The following SMAD9 variants were observed in gnomAD, a reference collection of about 807,000 sequenced individuals.
SMAD9 encodes the protein SMAD family member 9, also known as MAD homolog 9.
Under a neutral mutation model 46.1 loss-of-function variants are expected in SMAD9, and 36 were observed. That is an observed-to-expected ratio of 0.78 (90% CI 0.60 to 1.03). The LOEUF (loss-of-function observed/expected upper bound fraction) is 1.03. Among genes scored for constraint, SMAD9 ranks in the 50% least tolerant of loss-of-function variants. The pLI is 0.00. For missense variants in SMAD9, 572 were observed against 599.8 expected, an observed-to-expected ratio of 0.95 and a Z score of 0.48; for synonymous variants, 245 against 237.1, an observed-to-expected ratio of 1.03 and a Z score of -0.31.
Position 36,879,761 on chromosome 13 carries a change from C to T in SMAD9, c.-72G>A, listed in dbSNP as rs2058386779. On this transcript the variant is annotated 5_prime_UTR_variant, in exon 2 of 7. Coordinates refer to ENST00000379826, the MANE Select transcript of SMAD9 (RefSeq NM_001127217.3). Reference sequence around the variant, plus strand: ...TCACGGCAAAGTGGGCGGCGAGTAGCTCTCCAGGGGTGGCATAGGGACCAA... The same window carrying T: ...TCACGGCAAAGTGGGCGGCGAGTAGTTCTCCAGGGGTGGCATAGGGACCAA... 6.4e-7 allele frequency: 1 copy of T among 1,573,462 alleles called. No individual in the cohort carries two copies. The highest frequency in any genetic ancestry group is 8.7e-7 in the Non-Finnish European group (1 of 1,151,002).
intron 2 of SMAD9, among the ~76,000 whole-genome samples, chr13:36,876,880 T>C (rs2058350074): frequency 6.6e-6 from 1 of 152,166 alleles, no homozygotes; most frequent in Non-Finnish European, 1.5e-5. Context: ...TAACTAGATA[T>C]AAAATCTACT....
chr13:36,880,821 AC>A (rs1273181269), intron 1 of SMAD9, among the ~76,000 whole-genome samples: 3 of 152,206 alleles, frequency 2.0e-5, no homozygotes, highest in Non-Finnish European at 4.4e-5. Flanking sequence ...TTTTTTGAAA[AC>A]AATGTTTTAA....
chr13:36,869,984 G>A (rs1283126676), intron 3 of SMAD9, among the ~76,000 whole-genome samples: 1 of 152,208 alleles, frequency 6.6e-6, no homozygotes, highest in Non-Finnish European at 1.5e-5. Context: ...AAAAAATTTA[G>A]AGGCTGAACC....
rs140021744 is a variant in SMAD9 at position 36,846,343 on chromosome 13, T to C, written c.*2333A>G. 3,374 of 151,374 alleles carry C rather than the reference T, an allele frequency of 0.022. 74 individuals carry two copies. The highest frequency in any genetic ancestry group is 0.034 in the Middle Eastern group (10 of 294). The allele number at this position is 151,374 out of a possible 1,614,324, so 9.4% of individuals were successfully genotyped here. A position where few individuals can be genotyped will look rare whatever the true frequency, so the allele number is the denominator to read the frequency against. On this transcript the variant is annotated 3_prime_UTR_variant, in exon 7 of 7. Coordinates refer to ENST00000379826, the MANE Select transcript of SMAD9 (RefSeq NM_001127217.3). Reference sequence around the variant, plus strand: ...TAAAAATATAAAAATTAGCTGGGCGTGGTAGCCTGTAGTCCCAACTACTTG... The same window carrying C: ...TAAAAATATAAAAATTAGCTGGGCGCGGTAGCCTGTAGTCCCAACTACTTG...
chr13:36,890,688 G>C (rs955679341), intron 1 of SMAD9, among the ~76,000 whole-genome samples: 9 of 152,124 alleles, frequency 5.9e-5, no homozygotes, highest in African/African-American at 2.2e-4. Context: ...GTCACCTCAG[G>C]AGAGTCTGGA....
At position 36,911,998 on chromosome 13, in the gene SMAD9, G is replaced by A. The variant is rs1229811233; in HGVS notation, c.-187+8118C>T. On this transcript the variant is annotated intron_variant, in intron 1 of 6. Transcript: ENST00000379826. ...GCTGGGATTGCAGGTGTGAGCCACC[G>A]CACCCAGTCGGGGAAGCTCAGATTT... Among the ~76,000 whole-genome samples the A allele has an allele frequency of 5.9e-5, 9 of 152,134 alleles. 1 individual carries two copies. The highest frequency in any genetic ancestry group is 8.8e-5 in the Non-Finnish European group (6 of 68,016).
At chr13:36,911,572 G>A (rs995845586) in intron 1 of SMAD9, among the ~76,000 whole-genome samples, 6 of 143,310 alleles carry the variant, frequency 4.2e-5, no homozygotes. Context: ...AAATTTTATA[G>A]ATGTGTGTCT....
intron 1 of SMAD9, among the ~76,000 whole-genome samples, chr13:36,898,093 C>T (rs562532799): frequency 1.8e-4 from 27 of 151,878 alleles, no homozygotes; most frequent in Admixed American, 1.6e-3. Context: ...CTCCTGACCT[C>T]GTGATCCGCC....
chr13:36,871,517 C>CAAAAAA (rs1555240098), intron 3 of SMAD9, among the ~76,000 whole-genome samples: 1 of 148,546 alleles, frequency 6.7e-6, no homozygotes, highest in African/African-American at 2.5e-5. Flanking sequence ...GACTCCGTCT[C>CAAAAAA]AAAATAAAAA....
At chr13:36,892,484 A>G (rs530204660) in intron 1 of SMAD9, among the ~76,000 whole-genome samples, 1 of 152,326 alleles carries the variant, frequency 6.6e-6, no homozygotes, top group South Asian at 2.1e-4. Context: ...GTCGCTTCAG[A>G]TATTAAAAAC....
chr13:36,879,485 C>A lies in SMAD9; in HGVS notation c.205G>T (p.Val69Phe). The change falls in exon 2 of 7, where the codon GTC becomes TTC. Residue 69 changes from valine to phenylalanine, a missense_variant. By Grantham distance (50) the Val-to-Phe change is conservative. Coordinates refer to ENST00000379826, the MANE Select transcript of SMAD9 (RefSeq NM_001127217.3). The stretch of plus-strand genomic sequence containing the variant: ...CCGTCCAGGGAGCGGGGAATCGTGA[C>A]GCATTTGCTGGGCTGCCCCGGGCAG... ...LSCPGQPSKC[V>F]TIPRSLDGRL... 2.5e-6 allele frequency: 4 copies of A among 1,613,980 alleles called. No individual in the cohort carries two copies. Among genetic ancestry groups the A allele is most frequent in the Non-Finnish European group, 3.4e-6 (4 of 1,180,036 alleles).
At chr13:36,894,229 G>A (rs766235469) in intron 1 of SMAD9, among the ~76,000 whole-genome samples, 27 of 152,146 alleles carry the variant, frequency 1.8e-4, no homozygotes, top group Non-Finnish European at 3.1e-4. Context: ...CACATGTTGT[G>A]AGAGGGACCT....
chr13:36,867,136 TC>T (rs1479689934), intron 4 of SMAD9, 136 bp downstream of exon 4: 1 of 642,674 alleles, frequency 1.6e-6, no homozygotes, highest in Non-Finnish European at 2.8e-6. Flanking sequence ...TGCAAAGCCA[TC>T]CCATTTGCCT....
rs560257655 is a variant in SMAD9, at chr13:36,892,276, A to G, written c.-186-12401T>C. The stretch of plus-strand genomic sequence containing the variant: ...GCAGAGCAAAAATTCTTCCTATGTC[A>G]ATTTAGTCACTGAATGTAGATGAAC... On this transcript the variant is annotated intron_variant, in intron 1 of 6. Coordinates refer to ENST00000379826, the MANE Select transcript of SMAD9 (RefSeq NM_001127217.3). Among the ~76,000 whole-genome samples, 58 of 152,324 alleles carry G rather than the reference A, an allele frequency of 3.8e-4. 1 individual carries two copies. The South Asian group carries it at 8.3e-3, about 22-fold the overall frequency.
At chr13:36,885,351 A>AC (rs1481803249) in intron 1 of SMAD9, among the ~76,000 whole-genome samples, 1 of 152,102 alleles carries the variant, frequency 6.6e-6, no homozygotes, top group Non-Finnish European at 1.5e-5. Context: ...ATGTCTTATT[A>AC]CCGTACAACT....
intron 1 of SMAD9, among the ~76,000 whole-genome samples, chr13:36,904,205 T>G (rs957255605): frequency 2.0e-5 from 3 of 152,220 alleles, no homozygotes; most frequent in African/African-American, 7.2e-5. Context: ...AGGATGCAAG[T>G]GTACCTCTTA....
At chr13:36,886,843 C>T (rs1425197791) in intron 1 of SMAD9, among the ~76,000 whole-genome samples, 2 of 152,016 alleles carry the variant, frequency 1.3e-5, no homozygotes, top group African/African-American at 4.8e-5. Flanking sequence ...GAGAAAAATG[C>T]CAAGAGGGTG....
chr13:36,852,189 T>C, intron 6 of SMAD9: 1 of 848,478 alleles, frequency 1.2e-6, no homozygotes, highest in Non-Finnish European at 1.4e-6. Context: ...TTTTAAATAA[T>C]TACTAAAGTG....
At chr13:36,866,444 C>T (rs1426586484) in intron 4 of SMAD9, among the ~76,000 whole-genome samples, 2 of 152,050 alleles carry the variant, frequency 1.3e-5, no homozygotes, top group African/African-American at 4.8e-5. Context: ...CTGTAACTAA[C>T]CAAAGTTCAG....
Sources: allele counts gnomAD v4.1 joint callset (sites outside exome capture counted in the v4.1 genomes callset), GRCh38; gene constraint gnomAD v4.1.1; transcripts MANE v1.5; gene names NCBI Gene and HGNC (gene_info 2026-07-23, HGNC 2026-07-21).